Variants in DNAJC1 observed in about 807,000 individuals in gnomAD.
DNAJC1 encodes DnaJ heat shock protein family (Hsp40) member C1, also known as dnaJ homolog subfamily C member 1.
A neutral mutation model predicts 76.6 loss-of-function variants in DNAJC1; 58 were observed. The ratio of observed to expected loss-of-function variants is 0.76; its 90% CI spans 0.61 to 0.94. The LOEUF (loss-of-function observed/expected upper bound fraction) is 0.94, where lower values mean the gene tolerates loss of function less well. DNAJC1 is among the 40% of genes least tolerant of loss of function. The probability of loss-of-function intolerance (pLI) is 0.00; values close to 1 mark genes in which losing one functional copy is unlikely to be tolerated. For missense variants in DNAJC1, 689 were observed against 677.3 expected (o/e 1.02, Z -0.19); for synonymous variants, 258 against 267.9 (o/e 0.96, Z 0.36).
intron 1 of DNAJC1, among the ~76,000 whole-genome samples, chr10:21,970,228 C>T (rs979242607): frequency 1.3e-5 from 2 of 151,986 alleles, no homozygotes; most frequent in South Asian, 2.1e-4. Context: ...AAAAGTGGAA[C>T]GAACACTATA....
intron 9 of DNAJC1, among the ~76,000 whole-genome samples, chr10:21,803,306 G>C (rs890556580): frequency 2.0e-5 from 3 of 152,092 alleles, no homozygotes; most frequent in African/African-American, 7.2e-5. Flanking sequence ...AAGCCAGGGA[G>C]AACTAGGCAG....
At chr10:21,957,929 T>C (rs756818452) in intron 1 of DNAJC1, among the ~76,000 whole-genome samples, 1 of 152,180 alleles carries the variant, frequency 6.6e-6, no homozygotes, top group Non-Finnish European at 1.5e-5. Flanking sequence ...GCAAAATACC[T>C]TTCTTATATT....
At chr10:21,977,415 T>C (rs1838084424) in intron 1 of DNAJC1, among the ~76,000 whole-genome samples, 1 of 152,164 alleles carries the variant, frequency 6.6e-6, no homozygotes, top group South Asian at 2.1e-4. Flanking sequence ...TTTGTAGACA[T>C]CCACGTGAAC....
chr10:21,827,733 C>T (rs1366367875), intron 8 of DNAJC1, among the ~76,000 whole-genome samples: 2 of 152,084 alleles, frequency 1.3e-5, no homozygotes, highest in African/African-American at 4.8e-5. Context: ...TAACTAAGAC[C>T]CTATTCCCAA....
chr10:21,899,568 G>A (rs1364450613), intron 7 of DNAJC1, among the ~76,000 whole-genome samples: 12 of 152,220 alleles, frequency 7.9e-5, no homozygotes, highest in Admixed American at 7.8e-4. Flanking sequence ...CAGCACAGCT[G>A]CCTTGCCAAG....
At chr10:21,863,185 G>T (rs1835944949) in intron 8 of DNAJC1, among the ~76,000 whole-genome samples, 1 of 151,934 alleles carries the variant, frequency 6.6e-6, no homozygotes, top group Non-Finnish European at 1.5e-5. Context: ...AGACAGGTAT[G>T]TAAGAGCAGA....
chr10:21,981,658 A>G (rs1275575134), intron 1 of DNAJC1, among the ~76,000 whole-genome samples: 2 of 152,220 alleles, frequency 1.3e-5, no homozygotes, highest in African/African-American at 4.8e-5. Context: ...TAAAGATTAC[A>G]TGAGATAATA....
At chr10:21,963,322 G>A (rs935200302) in intron 1 of DNAJC1, among the ~76,000 whole-genome samples, 1 of 152,136 alleles carries the variant, frequency 6.6e-6, no homozygotes, top group African/African-American at 2.4e-5. Context: ...CGTTAACACT[G>A]TAACACCTAC....
intron 8 of DNAJC1, among the ~76,000 whole-genome samples, chr10:21,878,576 T>C (rs936791776): frequency 1.2e-4 from 18 of 152,354 alleles, no homozygotes; most frequent in Non-Finnish European, 2.4e-4. Flanking sequence ...AATACACTAG[T>C]ATCTACATAC....
At chr10:21,816,087 T>C (rs975812644) in intron 8 of DNAJC1, among the ~76,000 whole-genome samples, 1 of 150,372 alleles carries the variant, frequency 6.7e-6, no homozygotes, top group South Asian at 2.2e-4. Context: ...GTTGTTCCAA[T>C]ACCCTATCCT....
Position 21,794,216 on chromosome 10 carries a change from T to C in DNAJC1, c.1098+11764A>G, listed in dbSNP as rs192705625. Among the ~76,000 whole-genome samples the C allele has an allele frequency of 2.5e-4, 37 of 147,006 alleles. No individual in the cohort carries two copies. The East Asian group carries it at 7.2e-3, about 29-fold the overall frequency. ...GCCAAGGAGTTCAAAGTTTCAGTTA[T>C]CTATGATCATGCCATTGCACTCCTG... On this transcript the variant is annotated intron_variant, in intron 9 of 11. Transcript: ENST00000376980.
chr10:21,761,385 C>A (rs1233383878), intron 10 of DNAJC1, among the ~76,000 whole-genome samples: 2 of 151,938 alleles, frequency 1.3e-5, no homozygotes, highest in Admixed American at 6.6e-5. Flanking sequence ...CATGGTGAAA[C>A]CCTGTCTCTA....
intron 8 of DNAJC1, among the ~76,000 whole-genome samples, chr10:21,813,244 A>ATATATATATATATATATATATATATG (rs1429581567): frequency 8.1e-6 from 1 of 122,958 alleles, no homozygotes; most frequent in African/African-American, 4.0e-5. Context: ...ATATATATAT[A>ATATATATATATATATATATATATATG]CACATACAGC....
At chr10:21,968,943 T>C (rs1837932240) in intron 1 of DNAJC1, among the ~76,000 whole-genome samples, 1 of 151,998 alleles carries the variant, frequency 6.6e-6, no homozygotes, top group Non-Finnish European at 1.5e-5. Context: ...CCTAGGAGCC[T>C]GGGCACAGTG....
chr10:21,990,801 G>A (rs1220595901), intron 1 of DNAJC1, among the ~76,000 whole-genome samples: 2 of 152,166 alleles, frequency 1.3e-5, no homozygotes, highest in Non-Finnish European at 2.9e-5. Context: ...ACAATTTCCT[G>A]GATGTACCAA....
At position 21,821,561 on chromosome 10, in the gene DNAJC1, AG is replaced by A. The variant is rs369908093; in HGVS notation, c.979-15463del. On this transcript the variant is annotated intron_variant, in intron 8 of 11. Coordinates refer to ENST00000376980, the MANE Select transcript of DNAJC1 (RefSeq NM_022365.4). ...TGAGAAAATCGATGGGAAGCCTACC[AG>A]GCCACTTTGGAGGTAGGAAAATAAA... Among the ~76,000 whole-genome samples, 46 of 152,304 alleles carry A rather than the reference AG, an allele frequency of 3.0e-4. No homozygotes were observed. In the East Asian group the frequency reaches 7.3e-3, roughly 24 times the overall value.
At chr10:21,991,449 T>C (rs1838325462) in intron 1 of DNAJC1, among the ~76,000 whole-genome samples, 2 of 152,154 alleles carry the variant, frequency 1.3e-5, no homozygotes, top group Admixed American at 6.5e-5. Context: ...ACCAATAGCC[T>C]TTACAGAACA....
intron 9 of DNAJC1, among the ~76,000 whole-genome samples, chr10:21,780,514 G>A (rs890788629): frequency 3.3e-5 from 5 of 152,166 alleles, no homozygotes; most frequent in African/African-American, 9.7e-5. Context: ...AAGTGAAGGA[G>A]AAATAAAATC....
intron 8 of DNAJC1, among the ~76,000 whole-genome samples, chr10:21,860,028 C>A (rs1835896514): frequency 6.6e-6 from 1 of 152,084 alleles, no homozygotes; most frequent in Admixed American, 6.5e-5. Context: ...AAGTGATCCA[C>A]CCCTTCGGCC....
Sources: gnomAD v4.1 joint callset for allele counts (sites outside exome capture counted in the v4.1 genomes callset) on GRCh38, gnomAD v4.1.1 for gene constraint, MANE v1.5 for transcripts, NCBI Gene and HGNC (gene_info 2026-07-23, HGNC 2026-07-21) for gene names.